Variants in EPCIP observed in about 807,000 individuals in gnomAD.
EPCIP encodes exosomal polycystin-1-interacting protein.
At chr21:32,812,289 A>T in the EPCIP span, among the ~76,000 whole-genome samples, 1 of 152,236 alleles carries the variant, frequency 6.6e-6, no homozygotes, top group Non-Finnish European at 1.5e-5. Context: ...GTTCACATCC[A>T]CAGCTTTGCA....
the EPCIP span, chr21:32,793,601 A>G: frequency 2.8e-6 from 2 of 724,994 alleles, no homozygotes; most frequent in Middle Eastern, 5.0e-4. Context: ...AGCAGAACAG[A>G]GAGCTGGTTA....
At chr21:32,810,246 CTTTTTTTTTT>C in the EPCIP span, among the ~76,000 whole-genome samples, 2 of 65,636 alleles carry the variant, frequency 3.0e-5, no homozygotes, top group African/African-American at 6.7e-5. Context: ...GGCATTTGAT[CTTTTTTTTTT>C]TTTTTTTTTT....
chr21:32,813,102 G>A, the EPCIP span, among the ~76,000 whole-genome samples: 1 of 152,124 alleles, frequency 6.6e-6, no homozygotes, highest in South Asian at 2.1e-4. Context: ...AACAGTATCA[G>A]CCGGTGTTTT....
the EPCIP span, among the ~76,000 whole-genome samples, chr21:32,809,279 C>CCTTTCTTTCTTTCTTTCTTT: frequency 4.0e-4 from 32 of 80,064 alleles, no homozygotes; most frequent in East Asian, 2.3e-3. Context: ...CTCCCTCCTT[C>CCTTTCTTTCTTTCTTTCTTT]CTTTCTTTCT....
At chr21:32,810,138 C>A in the EPCIP span, among the ~76,000 whole-genome samples, 4 of 152,104 alleles carry the variant, frequency 2.6e-5, no homozygotes, top group Non-Finnish European at 5.9e-5. Context: ...GTTGCCTCCC[C>A]CTTCTTTTTG....
At chr21:32,809,521 G>A in the EPCIP span, among the ~76,000 whole-genome samples, 4 of 151,382 alleles carry the variant, frequency 2.6e-5, no homozygotes, top group African/African-American at 4.9e-5. Flanking sequence ...CTATAGGTGC[G>A]TACCACTGGC....
chr21:32,803,304 T>C, the EPCIP span, among the ~76,000 whole-genome samples: 8 of 152,256 alleles, frequency 5.3e-5, no homozygotes, highest in Non-Finnish European at 1.0e-4. Context: ...TATGGCTACC[T>C]TGTTCCTTAT....
the EPCIP span, chr21:32,794,192 T>G: frequency 6.2e-7 from 1 of 1,614,236 alleles, no homozygotes; most frequent in South Asian, 1.1e-5. Context: ...CAGATGGCCA[T>G]TGTAGCTGGT....
chr21:32,802,103 G>A, the EPCIP span, among the ~76,000 whole-genome samples: 2 of 152,138 alleles, frequency 1.3e-5, no homozygotes, highest in African/African-American at 4.8e-5. Context: ...TGCTGGTCAA[G>A]CTAAGGGGTT....
chr21:32,798,490 G>A, the EPCIP span: 5 of 152,318 alleles, frequency 3.3e-5, no homozygotes, highest in Admixed American at 3.3e-4. Flanking sequence ...ACGGGTTCAT[G>A]ACAGCCTATT....
chr21:32,798,212 A>G, the EPCIP span: 109 of 152,378 alleles, frequency 7.2e-4, no homozygotes, highest in African/African-American at 2.5e-3. Flanking sequence ...GTGCACCTAT[A>G]GTCCCAGCTA....
the EPCIP span, chr21:32,791,649 A>G: frequency 6.6e-6 from 1 of 152,098 alleles, no homozygotes; most frequent in East Asian, 1.9e-4. Context: ...GCTCATGCTA[A>G]TTAGCCTGAA....
At chr21:32,805,189 C>G in the EPCIP span, among the ~76,000 whole-genome samples, 2 of 152,132 alleles carry the variant, frequency 1.3e-5, no homozygotes, top group Non-Finnish European at 2.9e-5. Context: ...TGCGAGCAGC[C>G]TCTAGGAGCT....
At chr21:32,800,126 A>T in the EPCIP span, among the ~76,000 whole-genome samples, 2,338 of 152,292 alleles carry the variant, frequency 0.015, 30 homozygotes, top group Non-Finnish European at 0.025. Context: ...TATTTATGAC[A>T]TTTCAAATCT....
At chr21:32,805,025 C>T in the EPCIP span, among the ~76,000 whole-genome samples, 6 of 152,104 alleles carry the variant, frequency 3.9e-5, no homozygotes, top group African/African-American at 1.4e-4. Context: ...GGCCATAAGG[C>T]CTCTACAGAT....
chr21:32,791,908 CTT>C, the EPCIP span, among the ~76,000 whole-genome samples: 5 of 143,152 alleles, frequency 3.5e-5, no homozygotes, highest in South Asian at 2.2e-4. Flanking sequence ...TTTTTCTTTT[CTT>C]TTTTTTTTTT....
chr21:32,794,770 G>A, the EPCIP span, among the ~76,000 whole-genome samples: 40 of 152,292 alleles, frequency 2.6e-4, no homozygotes, highest in African/African-American at 9.4e-4. Context: ...CACAGCCAGA[G>A]CGATGCCAGA....
chr21:32,804,574 T>C, the EPCIP span, among the ~76,000 whole-genome samples: 1 of 152,024 alleles, frequency 6.6e-6, no homozygotes, highest in East Asian at 1.9e-4. Context: ...ACAAATGTAT[T>C]ACCATGCTCT....
the EPCIP span, among the ~76,000 whole-genome samples, chr21:32,799,151 G>A: frequency 6.6e-6 from 1 of 152,124 alleles, no homozygotes; most frequent in Non-Finnish European, 1.5e-5. Flanking sequence ...AAATCAGGAG[G>A]CGCTATCAGA....
Sources: allele counts gnomAD v4.1 joint callset (sites outside exome capture counted in the v4.1 genomes callset), GRCh38; gene constraint gnomAD v4.1.1; transcripts MANE v1.5; gene names NCBI Gene and HGNC (gene_info 2026-07-23, HGNC 2026-07-21).